Variants in PAX7 observed in about 807,000 individuals in gnomAD.
PAX7 encodes the protein paired box protein Pax-7.
Under a neutral mutation model 50.7 loss-of-function variants are expected in PAX7, and 18 were observed. The ratio of observed to expected loss-of-function variants is 0.36; its 90% CI spans 0.25 to 0.53. The LOEUF (loss-of-function observed/expected upper bound fraction) is 0.53, where lower values mean the gene tolerates loss of function less well. Among genes scored for constraint, PAX7 ranks in the 20% least tolerant of loss-of-function variants. The probability of loss-of-function intolerance (pLI) is 0.93; values close to 1 mark genes in which losing one functional copy is unlikely to be tolerated. For synonymous variants in PAX7, 310 were observed against 290.4 expected, an observed-to-expected ratio of 1.07 and a Z score of -0.69; for missense variants, 644 against 702.9, an observed-to-expected ratio of 0.92 and a Z score of 0.95.
chr1:18,696,658 C>T (rs979476428), intron 5 of PAX7, among the ~76,000 whole-genome samples: 1 of 152,108 alleles, frequency 6.6e-6, no homozygotes, highest in Admixed American at 6.6e-5. Flanking sequence ...GAAAGACAAA[C>T]TTCACATGTT....
intron 4 of PAX7, among the ~76,000 whole-genome samples, chr1:18,647,630 C>T (rs567971932): frequency 1.5e-4 from 23 of 152,278 alleles, no homozygotes; most frequent in African/African-American, 5.5e-4. Context: ...ATGGACACAA[C>T]CTCAAAGTAG....
chr1:18,655,430 G>A (rs901589732), intron 4 of PAX7, among the ~76,000 whole-genome samples: 1 of 152,352 alleles, frequency 6.6e-6, no homozygotes, highest in African/African-American at 2.4e-5. Flanking sequence ...GGGCCAACCG[G>A]GATGAGCTGG....
At chr1:18,741,161 A>G (rs1931110703) in intron 8 of PAX7, among the ~76,000 whole-genome samples, 1 of 152,154 alleles carries the variant, frequency 6.6e-6, no homozygotes, top group Non-Finnish European at 1.5e-5. Context: ...GAAATGATAA[A>G]TACTGGGCCA....
chr1:18,672,268 C>G (rs2088760343), intron 4 of PAX7, among the ~76,000 whole-genome samples: 1 of 152,196 alleles, frequency 6.6e-6, no homozygotes, highest in Admixed American at 6.5e-5. Context: ...GCCACCAGGT[C>G]CCCTGGCATC....
intron 4 of PAX7, among the ~76,000 whole-genome samples, chr1:18,679,036 G>T (rs1457971176): frequency 6.6e-6 from 1 of 152,178 alleles, no homozygotes; most frequent in Non-Finnish European, 1.5e-5. Context: ...TTGTAGTGAG[G>T]TGTTGTGATT....
In PAX7 at chr1:18,745,053, T is replaced by A; in HGVS notation, c.*124T>A. 1 of 630,114 alleles carries A rather than the reference T, an allele frequency of 1.6e-6. No homozygotes were observed. The highest frequency in any genetic ancestry group is 2.9e-6 in the Non-Finnish European group (1 of 350,248). The allele number at this position is 630,114 out of a possible 1,614,324, so 39.0% of individuals were successfully genotyped here. A position where few individuals can be genotyped will look rare whatever the true frequency, so the allele number is the denominator to read the frequency against. On this transcript the variant is annotated 3_prime_UTR_variant, in exon 9 of 9. Transcript: ENST00000420770. ...AGGCCAGGAAAGGAGCCCACCTGCT[T>A]CTCATCACCAGCCCCCTGGAGGTAG...
At chr1:18,687,713 C>T (rs138489384) in intron 4 of PAX7, among the ~76,000 whole-genome samples, 1 of 132,458 alleles carries the variant, frequency 7.5e-6, no homozygotes, top group East Asian at 2.2e-4. Flanking sequence ...TGAGACAGAG[C>T]TCTGCCCTCC....
At position 18,692,020 on chromosome 1, in the gene PAX7, A is replaced by G. The variant is rs1385061527; in HGVS notation, c.786+67A>G. Reference sequence around the variant, plus strand: ...AGAGATTCAGAAGTTTGGGATGGCCAAGGTCAGTGGGTTTAATGGGACCCC... The same window carrying G: ...AGAGATTCAGAAGTTTGGGATGGCCGAGGTCAGTGGGTTTAATGGGACCCC... On this transcript the variant is annotated intron_variant, in intron 5 of 8. Transcript: ENST00000420770. 9 of 1,492,394 alleles carry G rather than the reference A, an allele frequency of 6.0e-6. No individual in the cohort carries two copies. The Admixed American group carries it at 1.5e-4, about 26-fold the overall frequency. 92.4% of individuals were successfully genotyped at this position (1,492,394 alleles called of 1,614,324 possible).
At chr1:18,715,252 A>G (rs977949110) in intron 7 of PAX7, among the ~76,000 whole-genome samples, 6 of 152,146 alleles carry the variant, frequency 3.9e-5, no homozygotes, top group Non-Finnish European at 7.4e-5. Flanking sequence ...TTCCTTCAGG[A>G]CACCCCCCAC....
chr1:18,708,737 G>A (rs1037858455), intron 7 of PAX7, among the ~76,000 whole-genome samples: 1 of 152,040 alleles, frequency 6.6e-6, no homozygotes, highest in Non-Finnish European at 1.5e-5. Context: ...AGAACACAAG[G>A]CTGGCCCTTC....
intron 4 of PAX7, among the ~76,000 whole-genome samples, chr1:18,681,736 TTTTATTTTA>T (rs745935169): frequency 0.084 from 5,985 of 71,216 alleles, 158 homozygotes; most frequent in Middle Eastern, 0.14. Context: ...TTTTATTTTA[TTTTATTTTA>T]TTTTATTTTT....
At chr1:18,640,690 T>C (rs955445926) in intron 4 of PAX7, among the ~76,000 whole-genome samples, 1 of 152,130 alleles carries the variant, frequency 6.6e-6, no homozygotes, top group Non-Finnish European at 1.5e-5. Flanking sequence ...GATTTGAAGC[T>C]GTTCAGAGTG....
At chr1:18,744,466 G>GGAT (rs1557564508) in intron 8 of PAX7, among the ~76,000 whole-genome samples, 2 of 150,134 alleles carry the variant, frequency 1.3e-5, no homozygotes, top group Admixed American at 6.7e-5. Flanking sequence ...ATGGATGGAT[G>GGAT]GATGGATGGA....
At position 18,633,710 on chromosome 1, in the gene PAX7, G is replaced by A. The variant is rs570115217; in HGVS notation, c.86-593G>A. Among the ~76,000 whole-genome samples the A allele has an allele frequency of 9.8e-5, 15 of 152,352 alleles. No homozygotes were observed. The East Asian group carries it at 2.7e-3, about 27-fold the overall frequency. ...CCCGTCCCTCGGCTGTGCCTCAGCT[G>A]TTCCCTGGGACAGTTCCACGGCTCT... On this transcript the variant is annotated intron_variant, in intron 1 of 8. Transcript: ENST00000420770.
intron 4 of PAX7, among the ~76,000 whole-genome samples, chr1:18,639,479 G>T (rs1198160627): frequency 6.6e-6 from 1 of 151,650 alleles, no homozygotes; most frequent in African/African-American, 2.4e-5. Flanking sequence ...GCCGATAGGT[G>T]CTTGCCCCAG....
chr1:18,654,418 A>G (rs2088481344), intron 4 of PAX7, among the ~76,000 whole-genome samples: 1 of 152,228 alleles, frequency 6.6e-6, no homozygotes, highest in Non-Finnish European at 1.5e-5. Flanking sequence ...TCCCAGCTGC[A>G]TGCTGAACCC....
chr1:18,741,463 A>AAAAAGAAAG (rs1553144726), intron 8 of PAX7, among the ~76,000 whole-genome samples: 15 of 149,494 alleles, frequency 1.0e-4, no homozygotes, highest in African/African-American at 3.5e-4. Flanking sequence ...AAGAAAAAAA[A>AAAAAGAAAG]AAAGAAAGAA....
At position 18,634,329 on chromosome 1, in the gene PAX7, G is replaced by T. The variant is rs1351630881; in HGVS notation, c.112G>T (p.Val38Phe). The T allele has an allele frequency of 1.2e-6, 2 of 1,613,830 alleles. No homozygotes were observed. The highest frequency in any genetic ancestry group is 1.7e-6 in the Non-Finnish European group (2 of 1,180,016). ...EVSTPLGQGR[V>F]NQLGGVFING... ...GTCCACCCCGCTTGGCCAAGGCCGG[G>T]TCAATCAGCTGGGAGGGGTCTTCAT... Residue 38 changes from valine (V) to phenylalanine (F), a missense_variant, in exon 2 of 9, where the codon GTC becomes TTC. Physicochemically the swap from Val to Phe is conservative, Grantham distance 50 (BLOSUM62 -1). Transcript: ENST00000420770. The surrounding 1 kb of genome is among the most constrained non-coding windows in gnomAD (Gnocchi z 4.0).
rs759316698 is a variant in PAX7 at position 18,634,340 on chromosome 1, G to T, written c.123G>T (p.Leu41=). ...TTGGCCAAGGCCGGGTCAATCAGCTGGGAGGGGTCTTCATCAATGGGCGAC... is the reference window on the plus strand; with the variant it reads ...TTGGCCAAGGCCGGGTCAATCAGCTTGGAGGGGTCTTCATCAATGGGCGAC... ...TPLGQGRVNQ[L]GGVFINGRPL... Residue 41 remains leucine, a synonymous_variant, in exon 2 of 9, where the codon CTG becomes CTT. Transcript: ENST00000420770. This position sits in a 1 kb window ranked among gnomAD's most constrained non-coding sequence, Gnocchi z 4.0. 13 of 1,613,904 alleles carry T rather than the reference G, an allele frequency of 8.1e-6. No individual in the cohort carries two copies. In the East Asian group the frequency reaches 2.9e-4, roughly 36 times the overall value.
Sources: allele counts gnomAD v4.1 joint callset (sites outside exome capture counted in the v4.1 genomes callset), GRCh38; gene constraint gnomAD v4.1.1; non-coding constraint Gnocchi (gnomAD v3.1); transcripts MANE v1.5; gene names NCBI Gene and HGNC (gene_info 2026-07-23, HGNC 2026-07-21).